The following PTPRN2 variants were observed in gnomAD, a reference collection of about 807,000 sequenced individuals.
PTPRN2 encodes protein tyrosine phosphatase receptor type N2, also known as receptor-type tyrosine-protein phosphatase N2.
PTPRN2 carries 74 observed loss-of-function variants against 118.8 expected under a neutral mutation model. The ratio of observed to expected loss-of-function variants is 0.62; its 90% CI spans 0.52 to 0.76. The LOEUF is 0.76. Ranked by LOEUF, PTPRN2 falls within the 30% of genes least tolerant of loss-of-function variation. The pLI, the probability that PTPRN2 is intolerant of heterozygous loss-of-function variation, is 0.00. For synonymous variants in PTPRN2, 641 were observed against 608.0 expected (o/e 1.05, Z -0.80); for missense variants, 1,481 against 1,394.4 (o/e 1.06, Z -0.99).
intron 9 of PTPRN2, among the ~76,000 whole-genome samples, chr7:158,113,904 C>G (rs1199024981): frequency 6.6e-6 from 1 of 152,144 alleles, no homozygotes; most frequent in Non-Finnish European, 1.5e-5. Flanking sequence ...CACATCTGAG[C>G]TCAGGGGCTG....
chr7:158,022,092 C>A lies in PTPRN2; in HGVS notation c.1723+59206G>T, dbSNP rs1490562066. Among the ~76,000 whole-genome samples, 3 of 152,152 alleles carry A rather than the reference C, an allele frequency of 2.0e-5. No homozygotes were observed. Among genetic ancestry groups the A allele is most frequent in the African/African-American group, 7.2e-5 (3 of 41,438 alleles). On this transcript the variant is annotated intron_variant, in intron 11 of 22. Transcript: ENST00000389418. The surrounding 1 kb of genome is among the most constrained non-coding windows in gnomAD (Gnocchi z 4.6). ...ATGGGTGACAGGTCCCCAGAAGCTT[C>A]GGTCTTGGGCTTGTCCTGGTAGGAA...
intron 17 of PTPRN2, among the ~76,000 whole-genome samples, chr7:157,592,352 G>A (rs1801027261): frequency 6.6e-6 from 1 of 152,276 alleles, no homozygotes; most frequent in Non-Finnish European, 1.5e-5. Context: ...GGACCACAGA[G>A]ACTACAGGTC....
intron 12 of PTPRN2, among the ~76,000 whole-genome samples, chr7:157,791,920 A>C (rs1292799405): frequency 6.6e-6 from 1 of 152,172 alleles, no homozygotes; most frequent in Non-Finnish European, 1.5e-5. Context: ...AATCCTGAAG[A>C]TATGTACGGA....
At chr7:158,265,456 C>T (rs565077430) in intron 3 of PTPRN2, among the ~76,000 whole-genome samples, 99 of 152,134 alleles carry the variant, frequency 6.5e-4, no homozygotes, top group African/African-American at 1.8e-3. Flanking sequence ...AGGTACACAC[C>T]GACGGGACAC....
intron 1 of PTPRN2, among the ~76,000 whole-genome samples, chr7:158,569,534 T>C (rs1827855504): frequency 6.6e-6 from 1 of 152,194 alleles, no homozygotes; most frequent in African/African-American, 2.4e-5. Flanking sequence ...GGTCCTGCTC[T>C]CAGGGTCCTG....
At chr7:158,488,485 C>T (rs1489790931) in intron 2 of PTPRN2, among the ~76,000 whole-genome samples, 2 of 152,190 alleles carry the variant, frequency 1.3e-5, no homozygotes, top group African/African-American at 4.8e-5. Context: ...CAGAGGTGCC[C>T]CCAGCCCCAA....
At chr7:157,866,830 G>GCC (rs1174190183) in intron 12 of PTPRN2, among the ~76,000 whole-genome samples, 1 of 7,434 alleles carries the variant, frequency 1.3e-4, no homozygotes, top group East Asian at 3.4e-3. Context: ...GGCCACCACC[G>GCC]CCCCCCCCCG....
chr7:158,442,049 G>A (rs1302653580), intron 2 of PTPRN2, among the ~76,000 whole-genome samples: 2 of 150,240 alleles, frequency 1.3e-5, no homozygotes, highest in African/African-American at 4.9e-5. Context: ...GGTGACAGTG[G>A]TGGTGATGGT....
Position 158,248,903 on chromosome 7 carries a change from G to A in PTPRN2, c.278-43630C>T, listed in dbSNP as rs1315972321. Among the ~76,000 whole-genome samples the A allele has an allele frequency of 2.2e-5, 3 of 137,926 alleles. No individual in the cohort carries two copies. In the East Asian group the frequency reaches 6.6e-4, roughly 30 times the overall value. The allele number at this position is 137,926 out of a possible 152,430, so 90.5% of individuals were successfully genotyped here. On this transcript the variant is annotated intron_variant, in intron 3 of 22. Transcript: ENST00000389418. Reference sequence around the variant, plus strand: ...CACGCATCACACGCAGCACATATGTGCATATATACACCACACAGTGCACAC... The same window carrying A: ...CACGCATCACACGCAGCACATATGTACATATATACACCACACAGTGCACAC...
chr7:157,668,821 A>G (rs573473695), intron 13 of PTPRN2, among the ~76,000 whole-genome samples: 2 of 152,360 alleles, frequency 1.3e-5, no homozygotes, highest in East Asian at 3.9e-4. Context: ...AAGCGTGTGC[A>G]GGGAAAAGGC....
chr7:158,333,633 ATCAC>A (rs1804956617), intron 2 of PTPRN2, among the ~76,000 whole-genome samples: 1 of 142,524 alleles, frequency 7.0e-6, no homozygotes, highest in Non-Finnish European at 1.5e-5. Context: ...ACCTACAGAC[ATCAC>A]TCACACCCAC....
intron 12 of PTPRN2, among the ~76,000 whole-genome samples, chr7:157,811,887 G>A (rs537443955): frequency 1.8e-4 from 28 of 152,246 alleles, no homozygotes; most frequent in Middle Eastern, 3.4e-3. Flanking sequence ...CTGGAACTCA[G>A]GACAAGGCCA....
At chr7:158,016,926 CCTG>C (rs146273838) in intron 11 of PTPRN2, among the ~76,000 whole-genome samples, 337 of 152,330 alleles carry the variant, frequency 2.2e-3, no homozygotes, top group African/African-American at 7.6e-3. Flanking sequence ...CCTACAGTGC[CCTG>C]CTGCTGCACT....
chr7:158,090,717 G>C (rs1585406367), intron 10 of PTPRN2, among the ~76,000 whole-genome samples: 1 of 152,204 alleles, frequency 6.6e-6, no homozygotes, highest in Admixed American at 6.5e-5. Context: ...CAACCAGACT[G>C]TTGAGTGTAA....
At chr7:157,726,519 CA>C (rs1472293200) in intron 12 of PTPRN2, among the ~76,000 whole-genome samples, 1 of 152,250 alleles carries the variant, frequency 6.6e-6, no homozygotes, top group African/African-American at 2.4e-5. Flanking sequence ...CACACTTGGC[CA>C]GAACATACAT....
intron 14 of PTPRN2, among the ~76,000 whole-genome samples, chr7:157,625,687 T>TCATGTAACTAAATACCACCTGTACCC (rs1803527525): frequency 6.6e-6 from 1 of 152,102 alleles, no homozygotes; most frequent in African/African-American, 2.4e-5. Flanking sequence ...AAGAACTTAT[T>TCATGTAACTAAATACCACCTGTACCC]CATGTAACTA....
At position 157,798,259 on chromosome 7, in the gene PTPRN2, A is replaced by G. The variant is rs572903898; in HGVS notation, c.1788+100414T>C. ...CGGTGACAGAGCGAGACTCAGTCCTAAAAAAATAAATAAAAATAAAAATAG... is the reference window on the plus strand; with the variant it reads ...CGGTGACAGAGCGAGACTCAGTCCTGAAAAAATAAATAAAAATAAAAATAG... On this transcript the variant is annotated intron_variant, in intron 12 of 22. Transcript: ENST00000389418. Among the ~76,000 whole-genome samples, 7 of 152,204 alleles carry G rather than the reference A, an allele frequency of 4.6e-5. No homozygotes were observed. In the South Asian group the frequency reaches 1.5e-3, roughly 32 times the overall value.
chr7:158,185,260 G>T (rs796266101), intron 5 of PTPRN2, among the ~76,000 whole-genome samples: 21 of 152,102 alleles, frequency 1.4e-4, no homozygotes, highest in African/African-American at 4.8e-4. Flanking sequence ...CTTATTTTAT[G>T]GCCCAGCATT....
chr7:157,758,545 G>A (rs2151001915), intron 12 of PTPRN2, among the ~76,000 whole-genome samples: 1 of 152,354 alleles, frequency 6.6e-6, no homozygotes, highest in Non-Finnish European at 1.5e-5. Context: ...AAAGGGAGCC[G>A]AGGCAGGTGG....
Sources: gnomAD v4.1 joint callset for allele counts (sites outside exome capture counted in the v4.1 genomes callset) on GRCh38, gnomAD v4.1.1 for gene constraint, Gnocchi (gnomAD v3.1) non-coding constraint, MANE v1.5 for transcripts, NCBI Gene and HGNC (gene_info 2026-07-23, HGNC 2026-07-21) for gene names.